The following MOCOS variants were observed in gnomAD, a reference collection of about 807,000 sequenced individuals.
MOCOS encodes human molybdenum cofactor sulfurase.
A neutral mutation model predicts 83.6 loss-of-function variants in MOCOS; 86 were observed. That is an observed-to-expected ratio of 1.03 (90% CI 0.86 to 1.23). The LOEUF is 1.23. Ranked by LOEUF, MOCOS falls within the 50% of genes most tolerant of loss-of-function variation. The probability of loss-of-function intolerance (pLI) is 0.00; values close to 1 mark genes in which losing one functional copy is unlikely to be tolerated. For missense variants in MOCOS, 1,120 were observed against 1,126.9 expected, an observed-to-expected ratio of 0.99 and a Z score of 0.09; for synonymous variants, 445 against 434.7, an observed-to-expected ratio of 1.02 and a Z score of -0.29.
chr18:36,253,206 T>C (rs984092932), intron 11 of MOCOS, among the ~76,000 whole-genome samples: 1 of 152,220 alleles, frequency 6.6e-6, no homozygotes, highest in Non-Finnish European at 1.5e-5. Flanking sequence ...AGTTAAGCCT[T>C]AGTCCTGGTC....
chr18:36,220,307 A>C, intron 9 of MOCOS, 90 bp downstream of exon 9: 1 of 1,522,550 alleles, frequency 6.6e-7, no homozygotes, highest in South Asian at 1.2e-5. Context: ...AGAATAACCC[A>C]TCAGCCTGGG....
chr18:36,216,774 C>T (rs1383980978), intron 8 of MOCOS, among the ~76,000 whole-genome samples: 2 of 152,126 alleles, frequency 1.3e-5, no homozygotes, highest in Non-Finnish European at 2.9e-5. Context: ...TAAGTACCGC[C>T]TACTTATTGA....
chr18:36,195,380 A>G (rs746890646), intron 2 of MOCOS, 34 bp downstream of exon 2: 2 of 1,535,928 alleles, frequency 1.3e-6, no homozygotes, highest in African/African-American at 1.4e-5. Context: ...GTTTTAGTCA[A>G]CTACATGCAG....
intron 9 of MOCOS, among the ~76,000 whole-genome samples, chr18:36,232,172 G>C (rs933883501): frequency 6.6e-6 from 1 of 152,046 alleles, no homozygotes; most frequent in African/African-American, 2.4e-5. Context: ...ATGGGGTTTT[G>C]CCATGTTGCC....
intron 12 of MOCOS, among the ~76,000 whole-genome samples, chr18:36,258,585 ACTC>A (rs1005147493): frequency 1.9e-4 from 29 of 150,990 alleles, no homozygotes; most frequent in African/African-American, 6.8e-4. Flanking sequence ...GGAGATTGGG[ACTC>A]CTCCTTCCCA....
intron 9 of MOCOS, among the ~76,000 whole-genome samples, chr18:36,229,967 C>T (rs2091531929): frequency 6.6e-6 from 1 of 152,010 alleles, no homozygotes; most frequent in Non-Finnish European, 1.5e-5. Flanking sequence ...TCAGGTAAAC[C>T]ATATTACTCT....
chr18:36,269,118 G>C lies in MOCOS; in HGVS notation c.*433G>C. On this transcript the variant is annotated 3_prime_UTR_variant, in exon 15 of 15. Coordinates refer to ENST00000261326, the MANE Select transcript of MOCOS (RefSeq NM_017947.4). Reference sequence around the variant, plus strand: ...AAGGGAGTCTATGCCCAGTGATCCTGGGTATGAGAAGGTGCTCCTCTCCTC... The same window carrying C: ...AAGGGAGTCTATGCCCAGTGATCCTCGGTATGAGAAGGTGCTCCTCTCCTC... 9.9e-6 allele frequency: 2 copies of C among 201,992 alleles called. No individual in the cohort carries two copies. Among genetic ancestry groups the C allele is most frequent in the South Asian group, 1.7e-4 (2 of 11,872 alleles). 12.5% of individuals were successfully genotyped at this position (201,992 alleles called of 1,614,324 possible). A position where few individuals can be genotyped will look rare whatever the true frequency, so the allele number is the denominator to read the frequency against.
intron 11 of MOCOS, among the ~76,000 whole-genome samples, chr18:36,252,166 G>A (rs1337890930): frequency 1.3e-5 from 2 of 152,044 alleles, no homozygotes; most frequent in Non-Finnish European, 2.9e-5. Context: ...ATGATTACCA[G>A]TTTGTTCAGA....
At chr18:36,188,802 T>A (rs1214750919) in intron 1 of MOCOS, among the ~76,000 whole-genome samples, 1 of 143,340 alleles carries the variant, frequency 7.0e-6, no homozygotes, top group African/African-American at 2.5e-5. Flanking sequence ...GCTTCCTAAG[T>A]AGGGAGAGTC....
At chr18:36,197,958 C>G (rs1296006830) in intron 2 of MOCOS, among the ~76,000 whole-genome samples, 3 of 152,222 alleles carry the variant, frequency 2.0e-5, no homozygotes, top group Admixed American at 6.5e-5. Context: ...TTCTGTATCT[C>G]TACAATTCTT....
intron 9 of MOCOS, among the ~76,000 whole-genome samples, chr18:36,235,795 G>T (rs905453484): frequency 4.1e-5 from 6 of 146,366 alleles, no homozygotes; most frequent in Non-Finnish European, 9.1e-5. Context: ...AGCACCTGTT[G>T]TTTCCTGACT....
In MOCOS at chr18:36,198,271, T is replaced by C. The variant is rs1172087100; in HGVS notation, c.233-419T>C. On this transcript the variant is annotated intron_variant, in intron 2 of 14. Coordinates refer to ENST00000261326, the MANE Select transcript of MOCOS (RefSeq NM_017947.4). ...AGCCAGGTGTAGTTGTGCACACCTG[T>C]AGTCACAGTTAGGAGGCTGAGATGG... is the stretch of plus-strand genomic sequence containing the variant. 3.3e-5 allele frequency among the ~76,000 whole-genome samples: 5 copies of C among 151,920 alleles called. No individual in the cohort carries two copies. The East Asian group carries it at 9.7e-4, about 29-fold the overall frequency.
At position 36,268,522 on chromosome 18, in the gene MOCOS, T is replaced by A. The variant is rs780000171; in HGVS notation, c.2515-11T>A. 3 of 1,614,196 alleles carry A rather than the reference T, an allele frequency of 1.9e-6. No homozygotes were observed. In the East Asian group the frequency reaches 6.7e-5, roughly 36 times the overall value. ...TAGCCTTTTTTGTTGTTGTTGCTGT[T>A]TTGTTCACAGGTGAACTTTGGCATG... On this transcript the variant is annotated splice_polypyrimidine_tract_variant and intron_variant, in intron 14 of 14. Coordinates refer to ENST00000261326, the MANE Select transcript of MOCOS (RefSeq NM_017947.4).
intron 6 of MOCOS, among the ~76,000 whole-genome samples, chr18:36,207,386 A>G (rs1598874804): frequency 6.6e-6 from 1 of 152,174 alleles, no homozygotes; most frequent in African/African-American, 2.4e-5. Flanking sequence ...ACTGTTTTCC[A>G]CAGTGGCTAA....
At chr18:36,228,925 C>T (rs138025822) in intron 9 of MOCOS, among the ~76,000 whole-genome samples, 162 of 151,860 alleles carry the variant, frequency 1.1e-3, no homozygotes, top group African/African-American at 3.8e-3. Flanking sequence ...TGCCCCAGCC[C>T]CCTAGTAGCT....
intron 2 of MOCOS, among the ~76,000 whole-genome samples, chr18:36,198,003 T>C (rs1212800900): frequency 6.6e-6 from 1 of 152,212 alleles, no homozygotes; most frequent in Non-Finnish European, 1.5e-5. Context: ...ATTCATGCAT[T>C]ATGTATATTC....
Position 36,268,651 on chromosome 18 carries a change from C to T in MOCOS, c.2633C>T (p.Pro878Leu), listed in dbSNP as rs967187822. The change falls in exon 15 of 15, where the codon CCT becomes CTT. Residue 878 changes from proline to leucine, a missense_variant. Coordinates refer to ENST00000261326, the MANE Select transcript of MOCOS (RefSeq NM_017947.4). ...LKENVEGHDL[P>L]ASEKHQDVTS ...GAGAATGTGGAAGGTCATGATTTAC[C>T]TGCATCTGAGAAACACCAGGATGTT... The T allele has an allele frequency of 8.1e-6, 13 of 1,613,986 alleles. No individual in the cohort carries two copies. Among genetic ancestry groups the T allele is most frequent in the Non-Finnish European group, 1.1e-5 (13 of 1,180,018 alleles).
In MOCOS at chr18:36,269,161, TG is replaced by T. The variant is rs1391006921; in HGVS notation, c.*479del. On this transcript the variant is annotated 3_prime_UTR_variant, in exon 15 of 15. Transcript: ENST00000261326. ...CTCTCCTCCCATGTACATGATGGTGTGGGTTTATGCTCAGGGGCCCAGAGGG... is the reference window on the plus strand; with the variant it reads ...CTCTCCTCCCATGTACATGATGGTGTGGTTTATGCTCAGGGGCCCAGAGGG... 1 of 175,280 alleles carries T rather than the reference TG, an allele frequency of 5.7e-6. No individual in the cohort carries two copies. Among genetic ancestry groups the T allele is most frequent in the African/African-American group, 2.4e-5 (1 of 41,694 alleles). The allele number at this position is 175,280 out of a possible 1,614,324, so 10.9% of individuals were successfully genotyped here. A position where few individuals can be genotyped will look rare whatever the true frequency, so the allele number is the denominator to read the frequency against.
At position 36,265,893 on chromosome 18, in the gene MOCOS, C is replaced by T. The variant is rs73949404; in HGVS notation, c.2410-856C>T. On this transcript the variant is annotated intron_variant, in intron 13 of 14. Transcript: ENST00000261326. ...CATGATATAATTTTAATGCCTGAAC[C>T]GTATACATCATATATATGTAGCATG... Among the ~76,000 whole-genome samples, 417 of 152,126 alleles carry T rather than the reference C, an allele frequency of 2.7e-3. 3 individuals are homozygous for T. The highest frequency in any genetic ancestry group is 9.7e-3 in the African/African-American group (402 of 41,502).
Sources: gnomAD v4.1 joint callset for allele counts (sites outside exome capture counted in the v4.1 genomes callset) on GRCh38, gnomAD v4.1.1 for gene constraint, MANE v1.5 for transcripts, NCBI Gene and HGNC (gene_info 2026-07-23, HGNC 2026-07-21) for gene names.